ZNF654: variants seen among roughly 807,000 people sequenced by gnomAD.
The protein encoded by ZNF654 is melanoma-associated antigen.
In ZNF654, 19 loss-of-function variants were observed where a neutral mutation model predicts 95.3. The observed-to-expected ratio is 0.20, with a 90% CI of 0.14 to 0.29. The LOEUF is 0.29. ZNF654 is among the 10% of genes least tolerant of loss of function. The probability of loss-of-function intolerance (pLI) is 1.00; values close to 1 mark genes in which losing one functional copy is unlikely to be tolerated. For missense variants in ZNF654, 1,046 were observed against 1,341.0 expected, an observed-to-expected ratio of 0.78 and a Z score of 3.44; for synonymous variants, 413 against 457.9, an observed-to-expected ratio of 0.90 and a Z score of 1.25.
At chr3:88,065,638 A>T (rs1707154545) in intron 1 of ZNF654, among the ~76,000 whole-genome samples, 2 of 151,914 alleles carry the variant, frequency 1.3e-5, no homozygotes. Flanking sequence ...TTAGTTTTTT[A>T]AAAATTAAAC....
chr3:88,091,859 G>A (rs1708649638), intron 2 of ZNF654, among the ~76,000 whole-genome samples: 2 of 152,120 alleles, frequency 1.3e-5, no homozygotes, highest in Admixed American at 1.3e-4. Flanking sequence ...CAGCCATGTA[G>A]AACTGTGAGT....
At chr3:88,137,042 A>G (rs1212871769) in intron 7 of ZNF654, among the ~76,000 whole-genome samples, 11 of 151,966 alleles carry the variant, frequency 7.2e-5, no homozygotes, top group Non-Finnish European at 1.5e-4. Flanking sequence ...TAAAAATACA[A>G]AAATTAGCCA....
intron 2 of ZNF654, among the ~76,000 whole-genome samples, chr3:88,108,290 G>A (rs1311913572): frequency 2.6e-5 from 4 of 152,004 alleles, no homozygotes; most frequent in Admixed American, 2.6e-4. Flanking sequence ...GAATATACTG[G>A]TGTAGCTATT....
chr3:88,070,536 G>A (rs780559158), intron 1 of ZNF654, among the ~76,000 whole-genome samples: 3 of 143,236 alleles, frequency 2.1e-5, no homozygotes, highest in Non-Finnish European at 3.0e-5. Flanking sequence ...TTTGCTATAC[G>A]CCACTGTGGC....
chr3:88,130,706 C>T (rs1576340824), intron 6 of ZNF654, among the ~76,000 whole-genome samples: 1 of 151,142 alleles, frequency 6.6e-6, no homozygotes, highest in Non-Finnish European at 1.5e-5. Context: ...AATCTGCCCT[C>T]CTCAGCCTCC....
Position 88,141,763 on chromosome 3 carries a change from C to T in ZNF654, c.*111C>T. ...CTGATGGCCTTAATTTTAGAGTGGTCTTGGATTACTAAAGATAAAGACAAA... is the reference window on the plus strand; with the variant it reads ...CTGATGGCCTTAATTTTAGAGTGGTTTTGGATTACTAAAGATAAAGACAAA... On this transcript the variant is annotated 3_prime_UTR_variant, in exon 9 of 9. Transcript: ENST00000636215. 1.3e-6 allele frequency: 1 copy of T among 778,012 alleles called. No homozygotes were observed. The highest frequency in any genetic ancestry group is 2.0e-6 in the Non-Finnish European group (1 of 511,798). 48.2% of individuals were successfully genotyped at this position (778,012 alleles called of 1,614,324 possible).
chr3:88,103,527 A>T (rs1451018408), intron 2 of ZNF654, among the ~76,000 whole-genome samples: 1 of 152,196 alleles, frequency 6.6e-6, no homozygotes, highest in Non-Finnish European at 1.5e-5. Context: ...TTTCAGAAGA[A>T]GATAAAATGA....
intron 3 of ZNF654, among the ~76,000 whole-genome samples, chr3:88,115,653 C>G (rs371729535): frequency 3.7e-4 from 56 of 152,276 alleles, no homozygotes; most frequent in African/African-American, 1.3e-3. Context: ...TTTAACTCTT[C>G]TTACCTATAA....
At chr3:88,060,225 C>G (rs1352264145) in intron 1 of ZNF654, among the ~76,000 whole-genome samples, 1 of 151,824 alleles carries the variant, frequency 6.6e-6, no homozygotes, top group African/African-American at 2.4e-5. Context: ...TCACCAACCC[C>G]CCTCATCCTT....
chr3:88,112,359 A>T (rs1477438592), intron 2 of ZNF654, among the ~76,000 whole-genome samples: 2 of 151,864 alleles, frequency 1.3e-5, no homozygotes, highest in East Asian at 3.8e-4. Context: ...ATTTAGAGGG[A>T]TTTGTCACTT....
intron 1 of ZNF654, among the ~76,000 whole-genome samples, chr3:88,066,131 A>G (rs1406476469): frequency 1.3e-5 from 2 of 152,238 alleles, no homozygotes; most frequent in Non-Finnish European, 2.9e-5. Context: ...TGCTTTTTTA[A>G]AAAAATGAAT....
chr3:88,124,960 A>G (rs899223684), intron 3 of ZNF654, among the ~76,000 whole-genome samples: 20 of 152,194 alleles, frequency 1.3e-4, no homozygotes, highest in African/African-American at 4.8e-4. Flanking sequence ...TCACGCCTGT[A>G]ATCCCAGCAC....
chr3:88,133,536 G>C (rs145459291), intron 6 of ZNF654, among the ~76,000 whole-genome samples: 2 of 152,234 alleles, frequency 1.3e-5, no homozygotes, highest in Admixed American at 6.6e-5. Context: ...AGAGATACTT[G>C]ATAGGGCCTT....
intron 1 of ZNF654, among the ~76,000 whole-genome samples, chr3:88,080,517 A>G (rs1314611207): frequency 6.6e-6 from 1 of 152,064 alleles, no homozygotes; most frequent in Admixed American, 6.6e-5. Context: ...TTTATAGGTA[A>G]TTTAGAATAG....
intron 1 of ZNF654, among the ~76,000 whole-genome samples, chr3:88,072,322 T>C (rs925236710): frequency 6.6e-6 from 1 of 152,214 alleles, no homozygotes; most frequent in Non-Finnish European, 1.5e-5. Context: ...CAGCAGTCAA[T>C]GTGATCCTTT....
intron 1 of ZNF654, among the ~76,000 whole-genome samples, chr3:88,069,271 A>C (rs1559688380): frequency 6.6e-6 from 1 of 152,012 alleles, no homozygotes; most frequent in Admixed American, 6.6e-5. Flanking sequence ...AAAATACAAA[A>C]ATTAGTCGGG....
At chr3:88,062,813 G>A (rs1706962409) in intron 1 of ZNF654, among the ~76,000 whole-genome samples, 1 of 152,152 alleles carries the variant, frequency 6.6e-6, no homozygotes, top group Non-Finnish European at 1.5e-5. Flanking sequence ...AGAATATAAT[G>A]TACTTAGTAT....
At chr3:88,138,556 TA>T in intron 7 of ZNF654, 148 bp from the exon 8 acceptor site, 1 of 432,952 alleles carries the variant, frequency 2.3e-6, no homozygotes, top group South Asian at 1.3e-4. Flanking sequence ...TTAAAAGAGT[TA>T]AACAAGGCTA....
chr3:88,140,123 G>A lies in ZNF654; in HGVS notation c.2454G>A (p.Leu818=). 6.2e-7 allele frequency: 1 copy of A among 1,613,794 alleles called. No individual in the cohort carries two copies. Among genetic ancestry groups the A allele is most frequent in the Non-Finnish European group, 8.5e-7 (1 of 1,179,780 alleles). ...RHSYPNVYFC[L]HFNCNESFKL... is the part of the protein sequence containing the mutation. The stretch of plus-strand genomic sequence containing the variant: ...GCTATCCAAATGTGTATTTTTGTTT[G>A]CATTTTAATTGCAACGAGTCGTTTA... Residue 818 remains leucine (L), a synonymous_variant, in exon 8 of 9, where the codon TTG becomes TTA. Coordinates refer to ENST00000636215, the MANE Select transcript of ZNF654 (RefSeq NM_001350134.2).
Sources: gnomAD v4.1 joint callset for allele counts (sites outside exome capture counted in the v4.1 genomes callset) on GRCh38, gnomAD v4.1.1 for gene constraint, MANE v1.5 for transcripts, NCBI Gene and HGNC (gene_info 2026-07-23, HGNC 2026-07-21) for gene names.